Variants in KIAA1671 observed in about 807,000 individuals in gnomAD.
KIAA1671 encodes KIAA1671.
KIAA1671 carries 52 observed loss-of-function variants against 131.2 expected under a neutral mutation model. The ratio of observed to expected loss-of-function variants is 0.40; its 90% CI spans 0.32 to 0.50. The LOEUF is 0.50. Ranked by LOEUF, KIAA1671 falls within the 20% of genes least tolerant of loss-of-function variation. KIAA1671 has a pLI of 0.73. For synonymous variants in KIAA1671, 1,003 were observed against 961.6 expected (o/e 1.04, Z -0.80); for missense variants, 2,360 against 2,364.2 (o/e 1.00, Z 0.04).
At chr22:25,068,197 C>T (rs1410185304) in intron 6 of KIAA1671, among the ~76,000 whole-genome samples, 5 of 150,728 alleles carry the variant, frequency 3.3e-5, no homozygotes, top group African/African-American at 4.9e-5. Flanking sequence ...CAGGGCCAGC[C>T]TTCCGACTGT....
chr22:25,022,281 A>G (rs1176662948), intron 1 of KIAA1671, among the ~76,000 whole-genome samples: 1 of 152,228 alleles, frequency 6.6e-6, no homozygotes, highest in African/African-American at 2.4e-5. Context: ...ATTATGAAAG[A>G]TCTTAAACAG....
chr22:25,085,770 G>T (rs1046690998), intron 6 of KIAA1671, among the ~76,000 whole-genome samples: 2 of 109,394 alleles, frequency 1.8e-5, no homozygotes, highest in African/African-American at 8.6e-5. Flanking sequence ...AGTGGTGAAG[G>T]AAGGAAGGGA....
rs1263826609 is a variant in KIAA1671, at chr22:25,039,598, C to T, written c.2468C>T (p.Thr823Ile). 2.6e-6 allele frequency: 4 copies of T among 1,551,666 alleles called. No individual in the cohort carries two copies. Among genetic ancestry groups the T allele is most frequent in the South Asian group, 2.4e-5 (2 of 84,044 alleles). ...GGCAATTGCCCGTTTCCCAAATGGA[C>T]AGGCGGGGCAGTGGTGAGCTCGCAC... ...FGGNCPFPKW[T>I]GGAVVSSHKA... Residue 823 changes from threonine to isoleucine, a missense_variant, in exon 5 of 13, where the codon ACA (threonine) becomes ATA (isoleucine). Physicochemically the swap from Thr to Ile is moderately conservative, Grantham distance 89. This residue lies in a region of KIAA1671 where 1,185 missense variants were observed against 1,126.2 expected (regional missense o/e 1.05). Coordinates refer to ENST00000358431, the MANE Select transcript of KIAA1671 (RefSeq NM_001145206.2).
At chr22:25,099,545 G>T (rs5760851) in intron 6 of KIAA1671, among the ~76,000 whole-genome samples, 4,590 of 35,270 alleles carry the variant, frequency 0.13, 1,536 homozygotes, top group African/African-American at 0.4. Flanking sequence ...GGGTTTTTTT[G>T]TTTTTTTTTT....
chr22:25,185,297 C>A, intron 11 of KIAA1671, 178 bp downstream of exon 11: 1 of 728,658 alleles, frequency 1.4e-6, no homozygotes. Flanking sequence ...AAAAGTACAA[C>A]AGAGGCCGGG....
In KIAA1671 at chr22:25,093,846, C is replaced by G. The variant is rs11703565; in HGVS notation, c.4530+44482C>G. On this transcript the variant is annotated intron_variant, in intron 6 of 12. Coordinates refer to ENST00000358431, the MANE Select transcript of KIAA1671 (RefSeq NM_001145206.2). ...TCTTTCTCTCTCTGTCTGTCTCTCT[C>G]TCTCTCTCTCTCTCTCTCTCTCTCT... Among the ~76,000 whole-genome samples, 70 of 94,624 alleles carry G rather than the reference C, an allele frequency of 7.4e-4. 3 individuals carry two copies. The highest frequency in any genetic ancestry group is 9.6e-4 in the Admixed American group (9 of 9,368). The allele number at this position is 94,624 out of a possible 152,430, so 62.1% of individuals were successfully genotyped here.
intron 2 of KIAA1671, among the ~76,000 whole-genome samples, chr22:25,026,371 G>T (rs1321406282): frequency 6.6e-6 from 1 of 152,174 alleles, no homozygotes; most frequent in Non-Finnish European, 1.5e-5. Flanking sequence ...GAGCCTGGGG[G>T]ATCGAGAACA....
rs146153878 is a variant in KIAA1671, at chr22:24,985,561, G to T, written c.-208+32789G>T. Among the ~76,000 whole-genome samples the T allele has an allele frequency of 8.7e-3, 1,317 of 152,194 alleles. 26 individuals carry two copies. Among genetic ancestry groups the T allele is most frequent in the African/African-American group, 0.03 (1,262 of 41,532 alleles). On this transcript the variant is annotated intron_variant, in intron 1 of 12. Transcript: ENST00000358431. Reference sequence around the variant, plus strand: ...TCACCGGGTTAGCCAGGATGGTCTCGATCTCCTGAGCTCATTATCCGCCCA... The same window carrying T: ...TCACCGGGTTAGCCAGGATGGTCTCTATCTCCTGAGCTCATTATCCGCCCA...
chr22:25,185,316 C>CAA, intron 11 of KIAA1671, 197 bp downstream of exon 11: 1 of 621,848 alleles, frequency 1.6e-6, no homozygotes, highest in South Asian at 2.8e-5. Context: ...GGGAAGGAGG[C>CAA]CAGGAATCAG....
chr22:25,100,815 ACACT>A (rs1930622480), intron 6 of KIAA1671, among the ~76,000 whole-genome samples: 1 of 152,198 alleles, frequency 6.6e-6, no homozygotes, highest in Non-Finnish European at 1.5e-5. Context: ...TTCATAGTAG[ACACT>A]CAAGAAAGTG....
At chr22:25,004,010 G>T (rs1011856791) in intron 1 of KIAA1671, among the ~76,000 whole-genome samples, 2 of 151,076 alleles carry the variant, frequency 1.3e-5, no homozygotes, top group East Asian at 3.9e-4. Context: ...GTAGAGATGG[G>T]GTTTCACCAT....
intron 1 of KIAA1671, among the ~76,000 whole-genome samples, chr22:24,959,383 C>T (rs1921895106): frequency 1.3e-5 from 2 of 151,562 alleles, no homozygotes; most frequent in South Asian, 2.1e-4. Context: ...ATTAGCTAGG[C>T]GTGATGGCAG....
intron 8 of KIAA1671, chr22:25,176,753 C>G (rs1309366542): frequency 5.3e-5 from 8 of 152,206 alleles, no homozygotes; most frequent in African/African-American, 1.9e-4. Flanking sequence ...TGGGGGGGCC[C>G]TCACCAACCC....
At chr22:25,120,113 A>G (rs1931860356) in intron 6 of KIAA1671, among the ~76,000 whole-genome samples, 1 of 152,170 alleles carries the variant, frequency 6.6e-6, no homozygotes, top group African/African-American at 2.4e-5. Flanking sequence ...CTGGGCTTCA[A>G]AGAACTGGGG....
chr22:25,057,403 G>A (rs946175147), intron 6 of KIAA1671: 4 of 152,120 alleles, frequency 2.6e-5, no homozygotes, highest in African/African-American at 4.8e-5. Flanking sequence ...AGGGACACCT[G>A]TTCCTTGCAA....
At chr22:25,164,755 C>G (rs1933580839) in intron 6 of KIAA1671, among the ~76,000 whole-genome samples, 1 of 152,094 alleles carries the variant, frequency 6.6e-6, no homozygotes, top group African/African-American at 2.4e-5. Context: ...CAAGACCAGC[C>G]TGGGCAACAT....
intron 1 of KIAA1671, among the ~76,000 whole-genome samples, chr22:25,019,050 T>TTGTGTGTG (rs377368958): frequency 0.025 from 3,570 of 144,154 alleles, 119 homozygotes; most frequent in African/African-American, 0.083. Context: ...AATAGTTGTT[T>TTGTGTGTG]TGTGTGTGTG....
At chr22:25,169,657 A>T (rs1343389478) in intron 6 of KIAA1671, among the ~76,000 whole-genome samples, 1 of 152,182 alleles carries the variant, frequency 6.6e-6, no homozygotes, top group Non-Finnish European at 1.5e-5. Context: ...CAAATGAGGG[A>T]AGACAGCAGT....
chr22:25,164,841 G>A (rs1029125239), intron 6 of KIAA1671, among the ~76,000 whole-genome samples: 5 of 151,968 alleles, frequency 3.3e-5, no homozygotes, highest in East Asian at 3.9e-4. Flanking sequence ...CCAGCTATTC[G>A]GGAGGCTGAG....
Sources: allele counts gnomAD v4.1 joint callset (sites outside exome capture counted in the v4.1 genomes callset), GRCh38; gene constraint gnomAD v4.1.1; regional missense constraint gnomAD v4.1.1; transcripts MANE v1.5; gene names NCBI Gene and HGNC (gene_info 2026-07-23, HGNC 2026-07-21).